The following TAFA1 variants were observed in gnomAD, a reference collection of about 807,000 sequenced individuals.
The protein encoded by TAFA1 is chemokine-like protein TAFA-1.
TAFA1 carries 4 observed loss-of-function variants against 18.5 expected under a neutral mutation model. That is an observed-to-expected ratio of 0.22 (90% CI 0.11 to 0.49). The LOEUF (loss-of-function observed/expected upper bound fraction) is 0.49. Among genes scored for constraint, TAFA1 ranks in the 20% least tolerant of loss-of-function variants. The pLI, the probability that TAFA1 is intolerant of heterozygous loss-of-function variation, is 0.98. For missense variants in TAFA1, 147 were observed against 169.0 expected, an observed-to-expected ratio of 0.87 and a Z score of 0.72; for synonymous variants, 56 against 55.2, an observed-to-expected ratio of 1.01 and a Z score of -0.06.
chr3:68,221,483 C>T (rs1046261712), intron 2 of TAFA1, among the ~76,000 whole-genome samples: 1 of 152,078 alleles, frequency 6.6e-6, no homozygotes, highest in South Asian at 2.1e-4. Flanking sequence ...TGTAAGGTGC[C>T]TGTTTTGCAA....
At chr3:68,041,311 G>A (rs1032417922) in intron 2 of TAFA1, among the ~76,000 whole-genome samples, 7 of 152,108 alleles carry the variant, frequency 4.6e-5, no homozygotes, top group African/African-American at 1.4e-4. Flanking sequence ...ACAAATTTGG[G>A]TTACCAAAAT....
intron 3 of TAFA1, among the ~76,000 whole-genome samples, chr3:68,418,100 A>C (rs915640533): frequency 2.0e-5 from 3 of 152,096 alleles, no homozygotes; most frequent in Admixed American, 6.6e-5. Flanking sequence ...TTTTGGACTG[A>C]GGCTCTAGAG....
intron 2 of TAFA1, among the ~76,000 whole-genome samples, chr3:68,295,417 TA>T (rs57202047): frequency 0.17 from 25,310 of 148,342 alleles, 3,241 homozygotes; most frequent in East Asian, 0.74. Context: ...TTTTTTCAGT[TA>T]AAAAAAAAAG....
intron 2 of TAFA1, among the ~76,000 whole-genome samples, chr3:68,111,889 T>C (rs2065266967): frequency 2.0e-5 from 3 of 152,078 alleles, no homozygotes; most frequent in Non-Finnish European, 2.9e-5. Context: ...ACATTAATAA[T>C]TGCATTAAAT....
intron 2 of TAFA1, among the ~76,000 whole-genome samples, chr3:68,008,539 G>T (rs1235305434): frequency 6.6e-6 from 1 of 152,140 alleles, no homozygotes. Context: ...AGCTCTGAAA[G>T]GTTAGGTGGC....
chr3:68,283,795 G>T (rs1053711568), intron 2 of TAFA1, among the ~76,000 whole-genome samples: 4 of 152,210 alleles, frequency 2.6e-5, no homozygotes, highest in Non-Finnish European at 5.9e-5. Flanking sequence ...TTAAGAGCAT[G>T]TGTCTGTTTT....
At chr3:68,358,768 G>A (rs1038188826) in intron 2 of TAFA1, among the ~76,000 whole-genome samples, 3 of 151,920 alleles carry the variant, frequency 2.0e-5, no homozygotes, top group Admixed American at 6.6e-5. Context: ...GCATGTATTA[G>A]TGATACCTTG....
chr3:68,440,613 A>T (rs558166969), intron 3 of TAFA1, among the ~76,000 whole-genome samples: 1 of 152,226 alleles, frequency 6.6e-6, no homozygotes, highest in South Asian at 2.1e-4. Context: ...ATGCCTCAAG[A>T]GGTCATGAAT....
chr3:68,101,931 T>G lies in TAFA1; in HGVS notation c.118+95187T>G, dbSNP rs932581780. 3.9e-5 allele frequency among the ~76,000 whole-genome samples: 6 copies of G among 152,266 alleles called. No individual in the cohort carries two copies. The South Asian group carries it at 1.0e-3, about 26-fold the overall frequency. Reference sequence around the variant, plus strand: ...TAACACAGATCTCAAAGTGGATGGTTCCAGATAGAGAAAATTGCATGAAGA... The same window carrying G: ...TAACACAGATCTCAAAGTGGATGGTGCCAGATAGAGAAAATTGCATGAAGA... On this transcript the variant is annotated intron_variant, in intron 2 of 4. Coordinates refer to ENST00000478136, the MANE Select transcript of TAFA1 (RefSeq NM_213609.4).
chr3:68,170,880 A>T (rs577358441), intron 2 of TAFA1, among the ~76,000 whole-genome samples: 107 of 152,062 alleles, frequency 7.0e-4, no homozygotes, highest in African/African-American at 2.3e-3. Context: ...ACACACACAC[A>T]CACACGTACA....
the TAFA1 span, among the ~76,000 whole-genome samples, chr3:67,994,371 T>C: frequency 6.6e-6 from 1 of 152,222 alleles, no homozygotes; most frequent in African/African-American, 2.4e-5. Context: ...ACTTCAGCTC[T>C]TTGAATCTTA....
chr3:68,327,342 G>A (rs2068792892), intron 2 of TAFA1, among the ~76,000 whole-genome samples: 1 of 152,010 alleles, frequency 6.6e-6, no homozygotes, highest in Non-Finnish European at 1.5e-5. Context: ...GAAATTTGAG[G>A]CCTATCATTT....
intron 2 of TAFA1, among the ~76,000 whole-genome samples, chr3:68,102,979 C>G (rs905742671): frequency 6.6e-6 from 1 of 152,206 alleles, no homozygotes; most frequent in African/African-American, 2.4e-5. Flanking sequence ...GGCCCTGAAT[C>G]TGTTTCCAGT....
intron 2 of TAFA1, chr3:68,145,248 G>T (rs1157574718): frequency 1.3e-6 from 1 of 788,222 alleles, no homozygotes; most frequent in Non-Finnish European, 2.3e-6. Context: ...CGAAGAGTCT[G>T]GCAGAGAGAT....
chr3:68,254,129 G>GTATCTATC (rs1343808563), intron 2 of TAFA1, among the ~76,000 whole-genome samples: 2 of 120,276 alleles, frequency 1.7e-5, no homozygotes, highest in African/African-American at 3.2e-5. Flanking sequence ...ATGTATGTAT[G>GTATCTATC]TATGTATCTA....
At chr3:68,192,313 G>T (rs150664705) in intron 2 of TAFA1, 4,938 of 152,284 alleles carry the variant, frequency 0.032, 120 homozygotes, top group Non-Finnish European at 0.05. Context: ...TTTGGCAAAA[G>T]GTTGAAGACT....
chr3:68,301,825 C>G (rs998210979), intron 2 of TAFA1, among the ~76,000 whole-genome samples: 11 of 152,050 alleles, frequency 7.2e-5, no homozygotes, highest in African/African-American at 2.7e-4. Flanking sequence ...ACTGTCTAGA[C>G]CAAGTTGAAA....
At chr3:68,099,740 T>C (rs752047794) in intron 2 of TAFA1, among the ~76,000 whole-genome samples, 2 of 151,944 alleles carry the variant, frequency 1.3e-5, no homozygotes, top group Non-Finnish European at 1.5e-5. Context: ...AGACATATAA[T>C]CAACATAGGT....
chr3:68,351,898 C>T (rs2069277380), intron 2 of TAFA1, among the ~76,000 whole-genome samples: 1 of 151,914 alleles, frequency 6.6e-6, no homozygotes, highest in African/African-American at 2.4e-5. Flanking sequence ...AGCTATCCTA[C>T]ATCTGTTTCA....
Sources: gnomAD v4.1 joint callset for allele counts (sites outside exome capture counted in the v4.1 genomes callset) on GRCh38, gnomAD v4.1.1 for gene constraint, MANE v1.5 for transcripts, NCBI Gene and HGNC (gene_info 2026-07-23, HGNC 2026-07-21) for gene names.